PCDH11X: variants seen among roughly 807,000 people sequenced by gnomAD.
PCDH11X encodes the protein protocadherin 11 X-linked.
In PCDH11X, 18 loss-of-function variants were observed where a neutral mutation model predicts 53.3. The ratio of observed to expected loss-of-function variants is 0.34; its 90% confidence interval spans 0.23 to 0.50. The LOEUF is 0.50. PCDH11X is among the 20% of genes least tolerant of loss of function. The pLI, the probability that PCDH11X is intolerant of heterozygous loss-of-function variation, is 0.98. For missense variants in PCDH11X, 570 were observed against 1,032.4 expected (o/e 0.55, Z 6.14); for synonymous variants, 279 against 393.3 (o/e 0.71, Z 3.44).
chrX:91,997,123 G>T (rs774837426), intron 6 of PCDH11X, among the ~76,000 whole-genome samples: 3 of 110,917 alleles, frequency 2.7e-5, no homozygotes, highest in African/African-American at 9.8e-5. Context: ...AACAGGTTTT[G>T]GTGGATCGTT....
At chrX:92,113,743 T>C in intron 6 of PCDH11X, 1 of 1,201,599 alleles carries the variant, frequency 8.3e-7, no homozygotes, top group Non-Finnish European at 1.1e-6. Flanking sequence ...CAGGGTCAAC[T>C]CTTCCTTCTT....
chrX:92,402,764 T>C (rs954924485), intron 9 of PCDH11X, among the ~76,000 whole-genome samples: 14 of 110,590 alleles, frequency 1.3e-4, no homozygotes, highest in Non-Finnish European at 2.3e-4. Flanking sequence ...AAGCAAACAT[T>C]GACAAATGGG....
intron 10 of PCDH11X, among the ~76,000 whole-genome samples, chrX:92,481,620 A>G (rs2073508775): frequency 1.8e-5 from 2 of 111,082 alleles, no homozygotes; most frequent in African/African-American, 6.6e-5. Context: ...AGGTTGGACC[A>G]TCCCCTTCTG....
chrX:92,585,491 C>T (rs1924288030), intron 10 of PCDH11X, among the ~76,000 whole-genome samples: 1 of 107,620 alleles, frequency 9.3e-6, no homozygotes, highest in African/African-American at 3.4e-5. Context: ...CCTGCCTCAG[C>T]CTCCCGAGTA....
intron 6 of PCDH11X, among the ~76,000 whole-genome samples, chrX:91,946,558 CATATATATATATATATATATATATAT>C (rs766671132): frequency 3.5e-4 from 11 of 31,642 alleles, no homozygotes; most frequent in Admixed American, 1.4e-3. Flanking sequence ...CTGTTTCCCT[CATATATATATATATATATATATATAT>C]ATATATATAT....
At chrX:92,139,611 C>T (rs1433537998) in intron 6 of PCDH11X, among the ~76,000 whole-genome samples, 3 of 110,662 alleles carry the variant, frequency 2.7e-5, no homozygotes, top group African/African-American at 9.8e-5. Context: ...ATGTACTTCA[C>T]TCAAATAAAA....
chrX:92,608,135 A>G lies in PCDH11X; in HGVS notation c.3368-10129A>G, dbSNP rs775786154. ...ATCTCTATTTTTAGTTTTTAAAATTATGTACAAAAACTTGAATTGCCATTA... is the reference window on the plus strand; with the variant it reads ...ATCTCTATTTTTAGTTTTTAAAATTGTGTACAAAAACTTGAATTGCCATTA... On this transcript the variant is annotated intron_variant, in intron 10 of 10. Coordinates refer to ENST00000682573, the MANE Select transcript of PCDH11X (RefSeq NM_032968.5). Among the ~76,000 whole-genome samples the G allele has an allele frequency of 5.6e-5, 6 of 107,972 alleles. No homozygotes were observed. In the East Asian group the frequency reaches 1.7e-3, roughly 31 times the overall value. The allele number at this position is 107,972 out of a possible 115,157, so 93.8% of individuals were successfully genotyped here. A position where few individuals can be genotyped will look rare whatever the true frequency, so the allele number is the denominator to read the frequency against.
At chrX:91,905,321 G>A (rs1244411569) in intron 6 of PCDH11X, among the ~76,000 whole-genome samples, 1 of 109,434 alleles carries the variant, frequency 9.1e-6, no homozygotes, top group Non-Finnish European at 1.9e-5. Flanking sequence ...GTAGGGACAA[G>A]GTCTCACTAT....
intron 5 of PCDH11X, among the ~76,000 whole-genome samples, chrX:91,855,639 AT>A (rs946661567): frequency 8.2e-5 from 9 of 109,475 alleles, no homozygotes; most frequent in Non-Finnish European, 1.7e-4. Flanking sequence ...AACATGGAAT[AT>A]TTTTTCCCTT....
intron 8 of PCDH11X, among the ~76,000 whole-genome samples, chrX:92,301,646 T>TTTTG (rs2068724392): frequency 3.8e-5 from 4 of 105,376 alleles, no homozygotes; most frequent in African/African-American, 1.1e-4. Context: ...ACTTTTTTGT[T>TTTTG]TTTTGTTTTG....
At chrX:92,421,981 A>C (rs2071977633) in intron 9 of PCDH11X, among the ~76,000 whole-genome samples, 1 of 109,908 alleles carries the variant, frequency 9.1e-6, no homozygotes, top group African/African-American at 3.3e-5. Context: ...TGTTTATTTT[A>C]GATATTGAAT....
rs1396501081 is a variant in PCDH11X, at chrX:92,131,109, A to G, written c.3034-70266A>G. 7.2e-5 allele frequency among the ~76,000 whole-genome samples: 8 copies of G among 111,721 alleles called. No individual in the cohort carries two copies. In the South Asian group the frequency reaches 2.2e-3, roughly 31 times the overall value. Reference sequence around the variant, plus strand: ...AAGACAATATACTCTGAATCATGATATATACTTGAATGTACATTACTGAAT... The same window carrying G: ...AAGACAATATACTCTGAATCATGATGTATACTTGAATGTACATTACTGAAT... On this transcript the variant is annotated intron_variant, in intron 6 of 10. Coordinates refer to ENST00000682573, the MANE Select transcript of PCDH11X (RefSeq NM_032968.5).
chrX:91,994,107 T>A (rs1461883839), intron 6 of PCDH11X, among the ~76,000 whole-genome samples: 2 of 95,048 alleles, frequency 2.1e-5, no homozygotes, highest in Non-Finnish European at 4.2e-5. Context: ...AGGTATACAT[T>A]GTTATGTTTT....
At chrX:92,287,139 A>T (rs377518606) in intron 8 of PCDH11X, among the ~76,000 whole-genome samples, 10 of 111,474 alleles carry the variant, frequency 9.0e-5, no homozygotes, top group East Asian at 8.5e-4. Context: ...GAATGTGAAA[A>T]TAGTGCTTCT....
rs113578241 is a variant in PCDH11X at position 91,794,293 on chromosome X, G to A, written c.-379+14609G>A. Among the ~76,000 whole-genome samples the A allele has an allele frequency of 5.6e-3, 627 of 111,797 alleles. 4 individuals carry two copies. The highest frequency in any genetic ancestry group is 0.019 in the African/African-American group (593 of 30,778). ...TTCTGTTTTTCAAATGAAGAATTGA[G>A]CTAGTCCAGATTAGCTAAATGGCTT... On this transcript the variant is annotated intron_variant, in intron 1 of 10. Coordinates refer to ENST00000682573, the MANE Select transcript of PCDH11X (RefSeq NM_032968.5).
intron 10 of PCDH11X, among the ~76,000 whole-genome samples, chrX:92,523,955 T>G (rs1374085166): frequency 9.0e-6 from 1 of 110,944 alleles, no homozygotes; most frequent in African/African-American, 3.3e-5. Context: ...TATGAATCAA[T>G]TTTTCAATTA....
intron 6 of PCDH11X, chrX:91,882,925 A>G (rs965143719): frequency 1.7e-6 from 2 of 1,186,442 alleles, no homozygotes; most frequent in Admixed American, 2.2e-5. Context: ...CAGGACATCA[A>G]CTATTGAAAT....
chrX:92,232,061 G>A (rs2067084796), intron 7 of PCDH11X, among the ~76,000 whole-genome samples: 1 of 112,136 alleles, frequency 8.9e-6, no homozygotes, highest in African/African-American at 3.2e-5. Context: ...TGTGACGAAA[G>A]AGAGATAAAT....
chrX:92,281,291 C>T (rs1253666089), intron 8 of PCDH11X, among the ~76,000 whole-genome samples: 1 of 111,778 alleles, frequency 8.9e-6, no homozygotes, highest in Non-Finnish European at 1.9e-5. Flanking sequence ...CACAAGAGTA[C>T]ACCAGGAAAC....
Sources: gnomAD v4.1 joint callset for allele counts (sites outside exome capture counted in the v4.1 genomes callset) on GRCh38, gnomAD v4.1.1 for gene constraint, MANE v1.5 for transcripts, NCBI Gene and HGNC (gene_info 2026-07-23, HGNC 2026-07-21) for gene names.